GDE1: variants seen among roughly 807,000 people sequenced by gnomAD.
GDE1 encodes glycerophosphodiester phosphodiesterase 1.
In GDE1, 24 loss-of-function variants were observed where a neutral mutation model predicts 32.2. The observed-to-expected ratio is 0.75, with a 90% CI of 0.54 to 1.05. The LOEUF is 1.05. GDE1 is among the 50% of genes least tolerant of loss of function. GDE1 has a pLI of 0.00. For synonymous variants in GDE1, 159 were observed against 158.6 expected, an observed-to-expected ratio of 1.00 and a Z score of -0.02; for missense variants, 380 against 415.0, an observed-to-expected ratio of 0.92 and a Z score of 0.73.
chr16:19,520,114 T>A (rs1380079040), intron 1 of GDE1, among the ~76,000 whole-genome samples: 1 of 152,058 alleles, frequency 6.6e-6, no homozygotes, highest in Non-Finnish European at 1.5e-5. Context: ...AAATGAGATA[T>A]AGAAGGAAAA....
rs1363155045 is a variant in GDE1 at position 19,503,597 on chromosome 16, G to A, written c.869C>T (p.Ser290Leu). ...FVSPAYLKKW[S>L]AKGIQVVGWT... ...ACCAACAACCTGGATTCCTTTAGCT[G>A]ACCACTTCTTCAAGTAGGCCCTGGG... Residue 290 changes from serine (S) to leucine (L), a missense_variant, in exon 6 of 6, where the codon TCA (serine) becomes TTA (leucine). Ser to Leu is a moderately radical substitution (Grantham distance 145). Transcript: ENST00000353258. The A allele has an allele frequency of 1.2e-6, 2 of 1,613,614 alleles. No homozygotes were observed. The highest frequency in any genetic ancestry group is 2.2e-5 in the South Asian group (2 of 91,052).
chr16:19,517,889 CTTT>C (rs564282570), intron 1 of GDE1, among the ~76,000 whole-genome samples: 13 of 141,058 alleles, frequency 9.2e-5, no homozygotes, highest in Non-Finnish European at 9.3e-5. Flanking sequence ...AGATTTCTTT[CTTT>C]TTTTTTTTTT....
At position 19,522,068 on chromosome 16, in the gene GDE1, G is replaced by A; in HGVS notation, c.-104C>T. On this transcript the variant is annotated 5_prime_UTR_variant, in exon 1 of 6. Transcript: ENST00000353258. ...GGGTCCAAGGCACCGGCAGCAGCAGGAACCCTCTGAGGGGACCAGCGCCGC... is the reference window on the plus strand; with the variant it reads ...GGGTCCAAGGCACCGGCAGCAGCAGAAACCCTCTGAGGGGACCAGCGCCGC... 3.2e-6 allele frequency: 4 copies of A among 1,252,016 alleles called. No homozygotes were observed. Among genetic ancestry groups the A allele is most frequent in the Non-Finnish European group, 4.3e-6 (4 of 925,178 alleles). The allele number at this position is 1,252,016 out of a possible 1,614,324, so 77.6% of individuals were successfully genotyped here. A position where few individuals can be genotyped will look rare whatever the true frequency, so the allele number is the denominator to read the frequency against.
chr16:19,505,000 A>G lies in GDE1; in HGVS notation c.729T>C (p.Thr243=). The G allele has an allele frequency of 1.2e-6, 2 of 1,613,024 alleles. No individual in the cohort carries two copies. Among genetic ancestry groups the G allele is most frequent in the Non-Finnish European group, 1.7e-6 (2 of 1,178,962 alleles). ...HTGDGKPRYD[T]FWKHFIFVMM... ...TAACAAATATAAAATGTTTCCAGAA[A>G]GTATCATAGCGTGGTTTCCCATCTC... is the stretch of plus-strand genomic sequence containing the variant. Residue 243 remains threonine (T), a synonymous_variant, in exon 5 of 6, where the codon ACT becomes ACC. Coordinates refer to ENST00000353258, the MANE Select transcript of GDE1 (RefSeq NM_016641.4).
At chr16:19,512,395 G>A (rs1046879052) in intron 2 of GDE1, among the ~76,000 whole-genome samples, 2 of 152,054 alleles carry the variant, frequency 1.3e-5, no homozygotes, top group Admixed American at 1.3e-4. Flanking sequence ...ATTAGGATTT[G>A]AATAGATGTT....
At chr16:19,516,950 C>A in intron 2 of GDE1, 64 bp downstream of exon 2, 1 of 1,379,098 alleles carries the variant, frequency 7.3e-7, no homozygotes, top group South Asian at 1.2e-5. Flanking sequence ...AATTAGAAGG[C>A]ACCAGTGTCT....
intron 2 of GDE1, among the ~76,000 whole-genome samples, chr16:19,516,591 C>G (rs1969383432): frequency 1.3e-5 from 2 of 152,180 alleles, no homozygotes; most frequent in African/African-American, 4.8e-5. Flanking sequence ...AGGATACTCT[C>G]TATTCCTACA....
At position 19,516,877 on chromosome 16, in the gene GDE1, C is replaced by G. The variant is rs893949195; in HGVS notation, c.437+137G>C. On this transcript the variant is annotated intron_variant, in intron 2 of 5. Transcript: ENST00000353258. ...ATTTCTGTTGTTCCTGGCACTTGCT[C>G]ATTACTTACAAGACCTACGTACAGT... 6.2e-6 allele frequency: 4 copies of G among 645,192 alleles called. No homozygotes were observed. The East Asian group carries it at 1.1e-4, about 17-fold the overall frequency. 40.0% of individuals were successfully genotyped at this position (645,192 alleles called of 1,614,324 possible).
rs143444781 is a variant in GDE1 at position 19,517,578 on chromosome 16, TTGA to T, written c.262-392_262-390del. Among the ~76,000 whole-genome samples, 1,433 of 152,330 alleles carry T rather than the reference TTGA, an allele frequency of 9.4e-3. 27 individuals carry two copies. The highest frequency in any genetic ancestry group is 0.032 in the African/African-American group (1,350 of 41,556). On this transcript the variant is annotated intron_variant, in intron 1 of 5. Coordinates refer to ENST00000353258, the MANE Select transcript of GDE1 (RefSeq NM_016641.4). ...AGTTCTGATGATCACCCTACGGTTG[TTGA>T]TTAGTCAGATATTTCACTACTTTGG...
rs532212787 is a variant in GDE1 at position 19,504,964 on chromosome 16, A to G, written c.765T>C (p.Ile255=). Residue 255 remains isoleucine, a synonymous_variant, in exon 5 of 6, where the codon ATT becomes ATC. Transcript: ENST00000353258. The part of the protein sequence containing the change: ...WKHFIFVMMD[I]LLDWSMHNIL... ...TATTATGCATGCTCCAATCGAGCAA[A>G]ATGTCCATCATAACAAATATAAAAT... 6.2e-7 allele frequency: 1 copy of G among 1,613,410 alleles called. No homozygotes were observed. The highest frequency in any genetic ancestry group is 1.3e-5 in the African/African-American group (1 of 75,042).
At chr16:19,519,926 C>T (rs1476553324) in intron 1 of GDE1, among the ~76,000 whole-genome samples, 1 of 152,180 alleles carries the variant, frequency 6.6e-6, no homozygotes, top group Non-Finnish European at 1.5e-5. Flanking sequence ...GCACAAGAAT[C>T]GCTTCAACCT....
intron 2 of GDE1, among the ~76,000 whole-genome samples, chr16:19,511,923 T>C (rs1969323205): frequency 6.6e-6 from 1 of 152,110 alleles, no homozygotes; most frequent in African/African-American, 2.4e-5. Flanking sequence ...GCTAACTACA[T>C]AGTATTCCAT....
At chr16:19,520,396 T>G (rs1310623116) in intron 1 of GDE1, among the ~76,000 whole-genome samples, 1 of 143,606 alleles carries the variant, frequency 7.0e-6, no homozygotes, top group Non-Finnish European at 1.5e-5. Flanking sequence ...TGAGACTTCG[T>G]TTAAAAAAAA....
chr16:19,508,377 G>T (rs1419623216), intron 3 of GDE1, among the ~76,000 whole-genome samples: 2 of 152,152 alleles, frequency 1.3e-5, no homozygotes, highest in Non-Finnish European at 2.9e-5. Context: ...AGACATGATA[G>T]AATTTAAGTA....
At chr16:19,505,164 C>G (rs1393291408) in intron 4 of GDE1, 72 bp from the exon 5 acceptor site, 2 of 1,023,522 alleles carry the variant, frequency 2.0e-6, no homozygotes, top group Admixed American at 1.7e-5. Flanking sequence ...TAGATTTAGC[C>G]AATGTGCTCA....
rs1193285925 is a variant in GDE1, at chr16:19,501,950, G to A, written c.*1520C>T. 3.3e-5 allele frequency: 5 copies of A among 152,172 alleles called. No homozygotes were observed. Among genetic ancestry groups the A allele is most frequent in the African/African-American group, 1.2e-4 (5 of 41,432 alleles). 9.4% of individuals were successfully genotyped at this position (152,172 alleles called of 1,614,324 possible). On this transcript the variant is annotated 3_prime_UTR_variant, in exon 6 of 6. Coordinates refer to ENST00000353258, the MANE Select transcript of GDE1 (RefSeq NM_016641.4). ...GAAGCCATGGCTAAGCTGTGGGCCT[G>A]GACAAAGGCCACAGATGGGGTTGAA... is the stretch of plus-strand genomic sequence containing the variant.
At position 19,515,349 on chromosome 16, in the gene GDE1, G is replaced by GTTGTGT. The variant is rs1597236443; in HGVS notation, c.437+1664_437+1665insACACAA. On this transcript the variant is annotated intron_variant, in intron 2 of 5. Coordinates refer to ENST00000353258, the MANE Select transcript of GDE1 (RefSeq NM_016641.4). ...TCATAGAACACACTCTGTTCCAATA[G>GTTGTGT]TGGAGCAAAGACTGGTTGTGTTAAA... Among the ~76,000 whole-genome samples the GTTGTGT allele has an allele frequency of 2.0e-5, 3 of 152,170 alleles. No individual in the cohort carries two copies. The East Asian group carries it at 5.8e-4, about 29-fold the overall frequency.
chr16:19,506,600 C>T (rs11640243), intron 4 of GDE1, among the ~76,000 whole-genome samples: 4,229 of 151,786 alleles, frequency 0.028, 77 homozygotes, highest in Non-Finnish European at 0.041. Flanking sequence ...TGCGATGAGC[C>T]GAGATCATAC....
chr16:19,511,665 C>A (rs909462622), intron 2 of GDE1, among the ~76,000 whole-genome samples: 1 of 152,054 alleles, frequency 6.6e-6, no homozygotes, highest in South Asian at 2.1e-4. Flanking sequence ...TTCTATCGAA[C>A]TGTATGTTTG....
Sources: gnomAD v4.1 joint callset for allele counts (sites outside exome capture counted in the v4.1 genomes callset) on GRCh38, gnomAD v4.1.1 for gene constraint, MANE v1.5 for transcripts, NCBI Gene and HGNC (gene_info 2026-07-23, HGNC 2026-07-21) for gene names.